Variants in ADCY5 observed in about 807,000 individuals in gnomAD.
ADCY5 encodes adenylate cyclase 5, also known as adenylate cyclase type 5.
A neutral mutation model predicts 119.7 loss-of-function variants in ADCY5; 30 were observed. The ratio of observed to expected loss-of-function variants is 0.25; its 90% CI spans 0.19 to 0.34. ADCY5 has a LOEUF of 0.34. Ranked by LOEUF, ADCY5 falls within the 10% of genes least tolerant of loss-of-function variation. The pLI is 1.00. For synonymous variants in ADCY5, 753 were observed against 762.2 expected, an observed-to-expected ratio of 0.99 and a Z score of 0.20; for missense variants, 1,324 against 1,775.2, an observed-to-expected ratio of 0.75 and a Z score of 4.57.
chr3:123,336,537 G>A lies in ADCY5; in HGVS notation c.1407-3862C>T, dbSNP rs866680868. The stretch of plus-strand genomic sequence containing the variant: ...GGGGCTGGAGATGCCCCCGGGGTAG[G>A]AAGGAAAAAGTCCCCTAATCTAGCA... On this transcript the variant is annotated intron_variant, in intron 3 of 20. Transcript: ENST00000462833. Among the ~76,000 whole-genome samples the A allele has an allele frequency of 2.6e-5, 4 of 152,198 alleles. No homozygotes were observed. In the South Asian group the frequency reaches 8.3e-4, roughly 32 times the overall value.
intron 12 of ADCY5, among the ~76,000 whole-genome samples, chr3:123,308,567 T>C (rs1016806109): frequency 1.3e-5 from 2 of 151,810 alleles, no homozygotes; most frequent in African/African-American, 2.4e-5. Context: ...CAGTGGCTCA[T>C]GCCTGTAATC....
chr3:123,308,586 T>A (rs556163134), intron 12 of ADCY5, among the ~76,000 whole-genome samples: 31 of 152,048 alleles, frequency 2.0e-4, no homozygotes, highest in African/African-American at 7.5e-4. Flanking sequence ...TCCCAGCACT[T>A]TGGGAGGCCG....
chr3:123,306,682 G>T (rs1940216426), intron 12 of ADCY5, among the ~76,000 whole-genome samples: 1 of 152,184 alleles, frequency 6.6e-6, no homozygotes, highest in South Asian at 2.1e-4. Flanking sequence ...AAACAATAGG[G>T]TAGCTCCTCA....
intron 12 of ADCY5, among the ~76,000 whole-genome samples, chr3:123,309,028 T>C (rs775995611): frequency 6.6e-6 from 1 of 152,114 alleles, no homozygotes; most frequent in Non-Finnish European, 1.5e-5. Context: ...AGTTCAGAAC[T>C]AGTACATTCC....
intron 16 of ADCY5, 69 bp from the exon 17 acceptor site, chr3:123,296,285 C>T: frequency 6.5e-7 from 1 of 1,529,804 alleles, no homozygotes; most frequent in East Asian, 2.3e-5. Context: ...GGACCCCACC[C>T]CCACCCACTG....
rs570739895 is a variant in ADCY5 at position 123,296,779 on chromosome 3, A to T, written c.2931-563T>A. On this transcript the variant is annotated intron_variant, in intron 16 of 20. Transcript: ENST00000462833. ...ATCTGACCAACAGTAGGTGCTGCAA[A>T]CTAGTAGCATTATTGTCTAATTCTG... is the stretch of plus-strand genomic sequence containing the variant. Among the ~76,000 whole-genome samples the T allele has an allele frequency of 5.3e-5, 8 of 152,372 alleles. No individual in the cohort carries two copies. The East Asian group carries it at 1.5e-3, about 29-fold the overall frequency.
intron 1 of ADCY5, among the ~76,000 whole-genome samples, chr3:123,414,483 G>A (rs927828289): frequency 1.3e-5 from 2 of 152,222 alleles, no homozygotes; most frequent in African/African-American, 4.8e-5. Flanking sequence ...AACACCAGGG[G>A]ATGAGGAGCT....
In ADCY5 at chr3:123,286,876, C is replaced by A; in HGVS notation, c.3533-67G>T. The A allele has an allele frequency of 6.6e-7, 1 of 1,521,194 alleles. No homozygotes were observed. The highest frequency in any genetic ancestry group is 8.8e-7 in the Non-Finnish European group (1 of 1,138,262). 94.2% of individuals were successfully genotyped at this position (1,521,194 alleles called of 1,614,324 possible). A position where few individuals can be genotyped will look rare whatever the true frequency, so the allele number is the denominator to read the frequency against. The stretch of plus-strand genomic sequence containing the variant: ...CTTGACCTTGCCACCATCTGTCTCC[C>A]CACATGCTGCAGGTCCTTCTGACTC... On this transcript the variant is annotated intron_variant, in intron 19 of 20. Coordinates refer to ENST00000462833, the MANE Select transcript of ADCY5 (RefSeq NM_183357.3). This position sits in a 1 kb window ranked among gnomAD's most constrained non-coding sequence, Gnocchi z 4.2.
At chr3:123,291,409 C>T in intron 17 of ADCY5, 33 bp from the exon 18 acceptor site, 1 of 1,587,882 alleles carries the variant, frequency 6.3e-7, no homozygotes. Flanking sequence ...CACCCAGATG[C>T]CAATGTGAGC....
At chr3:123,407,816 T>G (rs1458897222) in intron 1 of ADCY5, among the ~76,000 whole-genome samples, 2 of 113,332 alleles carry the variant, frequency 1.8e-5, no homozygotes, top group Non-Finnish European at 3.7e-5. Flanking sequence ...AAAAGATACA[T>G]ATTGTTATGA....
chr3:123,295,288 G>T (rs191062285), intron 17 of ADCY5, among the ~76,000 whole-genome samples: 72 of 152,352 alleles, frequency 4.7e-4, no homozygotes, highest in Admixed American at 9.8e-4. Context: ...CTAGAGATAG[G>T]GGCCGGGCCA....
At chr3:123,409,548 A>G (rs1307840958) in intron 1 of ADCY5, among the ~76,000 whole-genome samples, 1 of 152,190 alleles carries the variant, frequency 6.6e-6, no homozygotes, top group African/African-American at 2.4e-5. Context: ...AAGCACCACC[A>G]AAAATCCTCA....
At chr3:123,381,100 T>C (rs776131464) in intron 1 of ADCY5, among the ~76,000 whole-genome samples, 1 of 152,238 alleles carries the variant, frequency 6.6e-6, no homozygotes, top group Non-Finnish European at 1.5e-5. Context: ...CAATAATATG[T>C]GCCAAGTGCT....
At chr3:123,312,081 C>G (rs1487292631) in intron 12 of ADCY5, among the ~76,000 whole-genome samples, 1 of 152,132 alleles carries the variant, frequency 6.6e-6, no homozygotes, top group Non-Finnish European at 1.5e-5. Flanking sequence ...AAAATGGGCC[C>G]ATCCTTCCCC....
chr3:123,348,980 T>C (rs1430663035), intron 2 of ADCY5, among the ~76,000 whole-genome samples: 1 of 152,140 alleles, frequency 6.6e-6, no homozygotes, highest in Non-Finnish European at 1.5e-5. Context: ...GCCCCAAACA[T>C]GGCACGTCCC....
intron 12 of ADCY5, 47 bp from the exon 13 acceptor site, chr3:123,304,230 A>G (rs1051390489): frequency 4.4e-5 from 54 of 1,224,482 alleles, no homozygotes; most frequent in Non-Finnish European, 6.1e-5. Context: ...GAGACGGAAT[A>G]GCATTCAGCA....
At chr3:123,349,291 G>C (rs1248650771) in intron 2 of ADCY5, among the ~76,000 whole-genome samples, 1 of 152,162 alleles carries the variant, frequency 6.6e-6, no homozygotes, top group East Asian at 1.9e-4. Context: ...AGTGGCTTTT[G>C]CTTTTCAGAT....
chr3:123,332,697 A>C, intron 3 of ADCY5, 22 bp from the exon 4 acceptor site: 1 of 1,485,270 alleles, frequency 6.7e-7, no homozygotes, highest in Non-Finnish European at 9.4e-7. Flanking sequence ...GCAGAGGAGG[A>C]AGACCCTGCT....
At chr3:123,296,505 G>A (rs1034272173) in intron 16 of ADCY5, among the ~76,000 whole-genome samples, 2 of 152,190 alleles carry the variant, frequency 1.3e-5, no homozygotes, top group African/African-American at 4.8e-5. Flanking sequence ...GGTCAGATCA[G>A]GGGATGAACT....
Sources: gnomAD v4.1 joint callset for allele counts (sites outside exome capture counted in the v4.1 genomes callset) on GRCh38, gnomAD v4.1.1 for gene constraint, Gnocchi (gnomAD v3.1) non-coding constraint, MANE v1.5 for transcripts, NCBI Gene and HGNC (gene_info 2026-07-23, HGNC 2026-07-21) for gene names.